The following DCAF11 variants were observed in gnomAD, a reference collection of about 807,000 sequenced individuals.
The protein encoded by DCAF11 is DDB1 and CUL4 associated factor 11.
A neutral mutation model predicts 76.1 loss-of-function variants in DCAF11; 44 were observed. The ratio of observed to expected loss-of-function variants is 0.58; its 90% CI spans 0.45 to 0.74. DCAF11 has a LOEUF of 0.74. DCAF11 is among the 30% of genes least tolerant of loss of function. The pLI, the probability that DCAF11 is intolerant of heterozygous loss-of-function variation, is 0.00. For synonymous variants in DCAF11, 258 were observed against 255.0 expected (o/e 1.01, Z -0.11); for missense variants, 604 against 709.4 (o/e 0.85, Z 1.69).
chr14:24,124,721 C>G lies in DCAF11; in HGVS notation c.*1412C>G, dbSNP rs562351385. 1.3e-5 allele frequency: 2 copies of G among 152,452 alleles called. No homozygotes were observed. Among genetic ancestry groups the G allele is most frequent in the African/African-American group, 4.8e-5 (2 of 41,554 alleles). The allele number at this position is 152,452 out of a possible 1,614,324, so 9.4% of individuals were successfully genotyped here. On this transcript the variant is annotated 3_prime_UTR_variant, in exon 15 of 15. Coordinates refer to ENST00000446197, the MANE Select transcript of DCAF11 (RefSeq NM_025230.5). ...AGGAGTTTGAGACCAGCCTGGGCAA[C>G]ATGGCAAAACCCCATCTCTACAAAA...
At position 24,123,237 on chromosome 14, in the gene DCAF11, A is replaced by G; in HGVS notation, c.1569A>G (p.Pro523=). 6.3e-7 allele frequency: 1 copy of G among 1,575,894 alleles called. No individual in the cohort carries two copies. The change falls in exon 15 of 15, where the codon CCA becomes CCG. Residue 523 remains proline, a synonymous_variant. Coordinates refer to ENST00000446197, the MANE Select transcript of DCAF11 (RefSeq NM_025230.5). ...RQAEYFQDDM[P]ESEECASAPA... Reference sequence around the variant, plus strand: ...CTGAGTACTTCCAGGATGACATGCCAGAATCTGAGGAATGTGCCAGCGCCC... The same window carrying G: ...CTGAGTACTTCCAGGATGACATGCCGGAATCTGAGGAATGTGCCAGCGCCC...
rs202203087 is a variant in DCAF11, at chr14:24,119,929, C to T, written c.1092+33C>T. The T allele has an allele frequency of 2.5e-4, 392 of 1,563,662 alleles. No individual in the cohort carries two copies. In the African/African-American group the frequency reaches 4.6e-3, roughly 18 times the overall value. On this transcript the variant is annotated intron_variant, in intron 11 of 14. Coordinates refer to ENST00000446197, the MANE Select transcript of DCAF11 (RefSeq NM_025230.5). ...AGAAGTCAGGACTGTACAGCCAGGCCGCTAAGGTTCTAGTTGCCCAGGAGG... is the reference window on the plus strand; with the variant it reads ...AGAAGTCAGGACTGTACAGCCAGGCTGCTAAGGTTCTAGTTGCCCAGGAGG...
At chr14:24,116,667 A>G (rs750467785) in intron 2 of DCAF11, among the ~76,000 whole-genome samples, 1 of 152,080 alleles carries the variant, frequency 6.6e-6, no homozygotes, top group Non-Finnish European at 1.5e-5. Context: ...ATGATGTTAG[A>G]ATGTTTAGCT....
Position 24,115,072 on chromosome 14 carries a change from G to A in DCAF11, c.-435G>A, listed in dbSNP as rs976327789. On this transcript the variant is annotated 5_prime_UTR_variant, in exon 1 of 15. Transcript: ENST00000446197. ...TGTTAGGCCAAATTCTATTTTCATT[G>A]GCTGTCACTGCTGCCGGCCTTTGTA... 1.8e-5 allele frequency: 17 copies of A among 961,240 alleles called. No individual in the cohort carries two copies. The Admixed American group carries it at 4.3e-4, about 24-fold the overall frequency. 59.5% of individuals were successfully genotyped at this position (961,240 alleles called of 1,614,324 possible).
Position 24,118,160 on chromosome 14 carries a change from C to A in DCAF11, c.577+5C>A, listed in dbSNP as rs191768847. Reference sequence around the variant, plus strand: ...TATTCATGTCTGCTTGCCAAGGTACCAGACCCTGGTCCTATAAACTATCTT... The same window carrying A: ...TATTCATGTCTGCTTGCCAAGGTACAAGACCCTGGTCCTATAAACTATCTT... On this transcript the variant is annotated splice_donor_5th_base_variant and intron_variant, in intron 6 of 14. Transcript: ENST00000446197. The A allele has an allele frequency of 6.8e-6, 11 of 1,608,666 alleles. No homozygotes were observed. The African/African-American group carries it at 1.5e-4, about 21-fold the overall frequency.
In DCAF11 at chr14:24,118,454, G is replaced by A. The variant is rs192332230; in HGVS notation, c.644G>A (p.Arg215His). ...CGTAAATTCAAGAGCATCAAGGCCC[G>A]CGACGTAGGCTGGAGCGTCTTGGAT... ...RFRKFKSIKA[R>H]DVGWSVLDVA... The change falls in exon 7 of 15, where the codon CGC becomes CAC. Residue 215 changes from arginine (R) to histidine (H), a missense_variant. Arg to His is a conservative substitution (Grantham distance 29). Coordinates refer to ENST00000446197, the MANE Select transcript of DCAF11 (RefSeq NM_025230.5). 251 of 1,614,164 alleles carry A rather than the reference G, an allele frequency of 1.6e-4. No homozygotes were observed. In the East Asian group the frequency reaches 5.0e-3, roughly 32 times the overall value.
At chr14:24,118,937 G>A in intron 8 of DCAF11, 133 bp downstream of exon 8, 1 of 1,186,782 alleles carries the variant, frequency 8.4e-7, no homozygotes, top group Non-Finnish European at 1.2e-6. Flanking sequence ...TTCCTGGGAG[G>A]GAAGCACCAT....
At chr14:24,118,326 T>C in intron 6 of DCAF11, 62 bp from the exon 7 acceptor site, 1 of 1,608,812 alleles carries the variant, frequency 6.2e-7, no homozygotes, top group Admixed American at 1.7e-5. Flanking sequence ...GTGGGAGATG[T>C]CTAATCTAGA....
chr14:24,118,046 C>T lies in DCAF11; in HGVS notation c.477-9C>T. On this transcript the variant is annotated splice_polypyrimidine_tract_variant and intron_variant, in intron 5 of 14. Coordinates refer to ENST00000446197, the MANE Select transcript of DCAF11 (RefSeq NM_025230.5). The stretch of plus-strand genomic sequence containing the variant: ...ACCCCTCACCCTCACTTTCTCTCTC[C>T]TTCCCTAGCTTCTTGCCCAATGATC... 2 of 1,599,340 alleles carry T rather than the reference C, an allele frequency of 1.3e-6. No individual in the cohort carries two copies. The highest frequency in any genetic ancestry group is 1.1e-5 in the South Asian group (1 of 89,572).
At chr14:24,116,512 G>A (rs763953138) in intron 2 of DCAF11, among the ~76,000 whole-genome samples, 4 of 152,134 alleles carry the variant, frequency 2.6e-5, no homozygotes, top group African/African-American at 4.8e-5. Context: ...ACACACCACC[G>A]CACCCAGCTT....
chr14:24,118,692 C>T (rs1188574186), intron 7 of DCAF11, 58 bp from the exon 8 acceptor site: 2 of 1,605,736 alleles, frequency 1.2e-6, no homozygotes, highest in African/African-American at 1.3e-5. Flanking sequence ...TCCCTAGCTT[C>T]ACTTCCACTC....
intron 2 of DCAF11, 138 bp downstream of exon 2, chr14:24,115,887 C>G: frequency 8.9e-7 from 1 of 1,128,702 alleles, no homozygotes; most frequent in Non-Finnish European, 1.2e-6. Context: ...CAGCCTTTCC[C>G]TGCTGGGCAC....
Position 24,115,414 on chromosome 14 carries a change from G to A in DCAF11, c.-181G>A. 1.3e-6 allele frequency: 1 copy of A among 765,376 alleles called. No homozygotes were observed. Among genetic ancestry groups the A allele is most frequent in the Non-Finnish European group, 1.9e-6 (1 of 513,410 alleles). 47.4% of individuals were successfully genotyped at this position (765,376 alleles called of 1,614,324 possible). ...GAAGGTTTGTGTTCCCGACGCCTTGGTAGTTGGCATAGGCTAAAGAAAAGG... is the reference window on the plus strand; with the variant it reads ...GAAGGTTTGTGTTCCCGACGCCTTGATAGTTGGCATAGGCTAAAGAAAAGG... On this transcript the variant is annotated 5_prime_UTR_variant, in exon 2 of 15. Coordinates refer to ENST00000446197, the MANE Select transcript of DCAF11 (RefSeq NM_025230.5).
intron 8 of DCAF11, 60 bp downstream of exon 8, chr14:24,118,864 A>G: frequency 6.3e-7 from 1 of 1,577,808 alleles, no homozygotes; most frequent in South Asian, 1.1e-5. Context: ...GCTCTTTGGG[A>G]GCAAACCTCT....
At chr14:24,122,238 C>T (rs1404365685) in intron 13 of DCAF11, 1 of 151,872 alleles carries the variant, frequency 6.6e-6, no homozygotes, top group Non-Finnish European at 1.5e-5. Flanking sequence ...GGGCAGATCA[C>T]CTGATGTCAG....
rs373883985 is a variant in DCAF11, at chr14:24,119,140, T to C, written c.780-5T>C. ...CCACTTAACCCAGCTCCTTCTTGCTTTTAGGCCAGATGAGCGTCGCTTTGC... is the reference window on the plus strand; with the variant it reads ...CCACTTAACCCAGCTCCTTCTTGCTCTTAGGCCAGATGAGCGTCGCTTTGC... On this transcript the variant is annotated splice_polypyrimidine_tract_variant and splice_region_variant and intron_variant, in intron 8 of 14. Transcript: ENST00000446197. 70 of 1,614,082 alleles carry C rather than the reference T, an allele frequency of 4.3e-5. No individual in the cohort carries two copies. The highest frequency in any genetic ancestry group is 5.7e-5 in the Non-Finnish European group (67 of 1,180,030).
chr14:24,119,017 C>A, intron 8 of DCAF11, 128 bp from the exon 9 acceptor site: 1 of 1,258,300 alleles, frequency 7.9e-7, no homozygotes, highest in Non-Finnish European at 1.2e-6. Flanking sequence ...TGAGCATCTG[C>A]ATTATGGTGC....
In DCAF11 at chr14:24,117,263, C is replaced by A; in HGVS notation, c.284-3C>A. The A allele has an allele frequency of 6.2e-7, 1 of 1,614,164 alleles. No individual in the cohort carries two copies. The highest frequency in any genetic ancestry group is 8.5e-7 in the Non-Finnish European group (1 of 1,180,028). On this transcript the variant is annotated splice_polypyrimidine_tract_variant and splice_region_variant and intron_variant, in intron 3 of 14. Transcript: ENST00000446197. The surrounding 1 kb of genome is among the most constrained non-coding windows in gnomAD (Gnocchi z 4.3). The stretch of plus-strand genomic sequence containing the variant: ...GGATGAAACTTCTCCTTGGTACTCA[C>A]AGTGGATGCTACCCCTGACACCCGG...
In DCAF11 at chr14:24,116,921, C is replaced by A. The variant is rs1304890968; in HGVS notation, c.160C>A (p.Gln54Lys). The A allele has an allele frequency of 6.2e-6, 10 of 1,613,898 alleles. No individual in the cohort carries two copies. The highest frequency in any genetic ancestry group is 7.6e-6 in the Non-Finnish European group (9 of 1,179,998). ...QVLAYLLRRG[Q>K]VRLVQGGGAA... ...ATAATGGGGGTCTCTCCACAGAGGC[C>A]AAGTGAGGTTGGTGCAGGGAGGAGG... Residue 54 changes from glutamine to lysine, a missense_variant, in exon 3 of 15, where the codon CAA becomes AAA. Gln to Lys is a moderately conservative substitution (Grantham distance 53). Coordinates refer to ENST00000446197, the MANE Select transcript of DCAF11 (RefSeq NM_025230.5).
Sources: gnomAD v4.1 joint callset for allele counts (sites outside exome capture counted in the v4.1 genomes callset) on GRCh38, gnomAD v4.1.1 for gene constraint, Gnocchi (gnomAD v3.1) non-coding constraint, MANE v1.5 for transcripts, NCBI Gene and HGNC (gene_info 2026-07-23, HGNC 2026-07-21) for gene names.